SNX19: variants seen among roughly 807,000 people sequenced by gnomAD.
The protein encoded by SNX19 is sorting nexin-19.
Under a neutral mutation model 85.2 loss-of-function variants are expected in SNX19, and 60 were observed. The ratio of observed to expected loss-of-function variants is 0.70; its 90% confidence interval spans 0.57 to 0.87. SNX19 has a LOEUF of 0.87. Ranked by LOEUF, SNX19 falls within the 40% of genes least tolerant of loss-of-function variation. The pLI is 0.00. For synonymous variants in SNX19, 520 were observed against 470.0 expected (o/e 1.11, Z -1.38); for missense variants, 1,201 against 1,217.8 (o/e 0.99, Z 0.21).
intron 8 of SNX19, among the ~76,000 whole-genome samples, chr11:130,902,488 T>C (rs557775964): frequency 1.8e-4 from 28 of 152,346 alleles, no homozygotes; most frequent in African/African-American, 5.8e-4. Flanking sequence ...AGGTCAGCAT[T>C]TGGCTTCCTC....
At chr11:130,914,235 G>C (rs373486201) in intron 1 of SNX19, 31 bp downstream of exon 1, 1 of 1,506,536 alleles carries the variant, frequency 6.6e-7, no homozygotes. Context: ...CTCCTAGCCC[G>C]GGTGAGCACC....
At chr11:130,912,622 T>C (rs1176244677) in intron 1 of SNX19, among the ~76,000 whole-genome samples, 3 of 152,188 alleles carry the variant, frequency 2.0e-5, no homozygotes, top group Non-Finnish European at 2.9e-5. Context: ...TGGAAAAAAC[T>C]ACCTCCTCGT....
intron 5 of SNX19, among the ~76,000 whole-genome samples, chr11:130,907,719 T>C (rs1349084268): frequency 6.6e-6 from 1 of 152,170 alleles, no homozygotes; most frequent in East Asian, 1.9e-4. Flanking sequence ...CCCTGGTCAG[T>C]TGGGCCCCAG....
intron 7 of SNX19, among the ~76,000 whole-genome samples, chr11:130,905,502 G>A (rs1305387888): frequency 2.0e-5 from 3 of 152,158 alleles, no homozygotes; most frequent in Non-Finnish European, 2.9e-5. Flanking sequence ...CTGGAAGAGT[G>A]TGTAGAATAA....
In SNX19 at chr11:130,875,477, TAA is replaced by T. The variant is rs1185398273; in HGVS notation, c.*2943_*2944del. On this transcript the variant is annotated 3_prime_UTR_variant, in exon 11 of 11. Transcript: ENST00000265909. Reference sequence around the variant, plus strand: ...TAATAATGTACCGTCTCAAAATAAATAAATAATGTACTGTACACTTAAGAGGG... The same window carrying T: ...TAATAATGTACCGTCTCAAAATAAATATAATGTACTGTACACTTAAGAGGG... 6.6e-6 allele frequency: 1 copy of T among 152,196 alleles called. No individual in the cohort carries two copies. Among genetic ancestry groups the T allele is most frequent in the Non-Finnish European group, 1.5e-5 (1 of 68,036 alleles). 9.4% of individuals were successfully genotyped at this position (152,196 alleles called of 1,614,324 possible).
intron 8 of SNX19, among the ~76,000 whole-genome samples, chr11:130,881,512 C>T (rs1943671584): frequency 6.6e-6 from 1 of 152,194 alleles, no homozygotes; most frequent in African/African-American, 2.4e-5. Context: ...GCATTATAAC[C>T]TTCTTGGTAA....
chr11:130,885,645 C>T (rs1012285576), intron 8 of SNX19, among the ~76,000 whole-genome samples: 2 of 152,166 alleles, frequency 1.3e-5, no homozygotes, highest in Admixed American at 1.3e-4. Flanking sequence ...AGATCCACAA[C>T]AATATTCTAA....
At chr11:130,881,360 T>C (rs1200725619) in intron 8 of SNX19, among the ~76,000 whole-genome samples, 1 of 152,184 alleles carries the variant, frequency 6.6e-6, no homozygotes, top group Non-Finnish European at 1.5e-5. Context: ...GCGTTCACTA[T>C]GTGCCATCTA....
chr11:130,897,027 G>A (rs1395795615), intron 8 of SNX19, among the ~76,000 whole-genome samples: 1 of 152,052 alleles, frequency 6.6e-6, no homozygotes, highest in South Asian at 2.1e-4. Flanking sequence ...CTTAGGGGAG[G>A]TGGACGTTGC....
rs1223702382 is a variant in SNX19, at chr11:130,915,294, C to A, written c.646G>T (p.Val216Leu). 1.8e-5 allele frequency: 29 copies of A among 1,614,120 alleles called. No individual in the cohort carries two copies. The highest frequency in any genetic ancestry group is 1.7e-4 in the Admixed American group (10 of 60,018). The stretch of plus-strand genomic sequence containing the variant: ...ACCAGCCCTTGAAGCAACAAATTCA[C>A]AACGCCACGCGTATAGGTGACTTCA... ...SAEVTYTRGV[V>L]NLLLQGLVPK... is the part of the protein sequence containing the mutation. Residue 216 changes from valine to leucine, a missense_variant, in exon 1 of 11, where the codon GTG becomes TTG. By Grantham distance (32) the Val-to-Leu change is conservative. Coordinates refer to ENST00000265909, the MANE Select transcript of SNX19 (RefSeq NM_014758.3).
intron 8 of SNX19, 112 bp downstream of exon 8, chr11:130,903,143 C>A (rs1945373897): frequency 2.7e-6 from 4 of 1,474,158 alleles, no homozygotes; most frequent in Middle Eastern, 3.6e-4. Flanking sequence ...ACCCCTGTAA[C>A]AGAGAATCTA....
In SNX19 at chr11:130,874,945, A is replaced by G. The variant is rs1359813299; in HGVS notation, c.*3477T>C. On this transcript the variant is annotated 3_prime_UTR_variant, in exon 11 of 11. Transcript: ENST00000265909. ...TGTAAAATGGTCTAGTCACTATGGA[A>G]AACAGTATGAAGGTCTTCAAAGAAT... Among the ~76,000 whole-genome samples the G allele has an allele frequency of 6.6e-6, 1 of 152,242 alleles. No homozygotes were observed. The highest frequency in any genetic ancestry group is 6.5e-5 in the Admixed American group (1 of 15,292).
chr11:130,870,598 G>A lies in SNX19; in HGVS notation c.*7824C>T, dbSNP rs545001894. Among the ~76,000 whole-genome samples the A allele has an allele frequency of 6.6e-5, 10 of 152,298 alleles. No individual in the cohort carries two copies. In the East Asian group the frequency reaches 9.7e-4, roughly 15 times the overall value. On this transcript the variant is annotated 3_prime_UTR_variant, in exon 11 of 11. Coordinates refer to ENST00000265909, the MANE Select transcript of SNX19 (RefSeq NM_014758.3). ...AGTGGTTAATCTCAAAGAGGTTTAC[G>A]GTGGTTTCTCCACATATCTTCACCC...
In SNX19 at chr11:130,872,581, T is replaced by C. The variant is rs1943070796; in HGVS notation, c.*5841A>G. On this transcript the variant is annotated 3_prime_UTR_variant, in exon 11 of 11. Transcript: ENST00000265909. ...CCCTCACCGCCTCTCTCATCCTTTA[T>C]ACCATAAAAGAGTGATGGCAATATG... 6.6e-6 allele frequency among the ~76,000 whole-genome samples: 1 copy of C among 152,176 alleles called. No individual in the cohort carries two copies. Among genetic ancestry groups the C allele is most frequent in the Admixed American group, 6.5e-5 (1 of 15,282 alleles).
chr11:130,890,550 A>T (rs1944421626), intron 8 of SNX19, among the ~76,000 whole-genome samples: 1 of 152,060 alleles, frequency 6.6e-6, no homozygotes, highest in African/African-American at 2.4e-5. Context: ...CTCCCTTTAA[A>T]CTCTTCACTG....
rs748174880 is a variant in SNX19, at chr11:130,914,375, C to A, written c.1565G>T (p.Ser522Ile). Reference protein sequence around the residue: ...SSATFSFEPLSSPDGPVIIQN... With the variant: ...SSATFSFEPLISPDGPVIIQN... ...GATGATAACTGGACCATCGGGACTG[C>A]TTAGGGGCTCAAAGCTGAAGGTGGC... Residue 522 changes from serine (S) to isoleucine (I), a missense_variant, in exon 1 of 11, where the codon AGC (serine) becomes ATC (isoleucine). Coordinates refer to ENST00000265909, the MANE Select transcript of SNX19 (RefSeq NM_014758.3). 8 of 1,613,754 alleles carry A rather than the reference C, an allele frequency of 5.0e-6. No individual in the cohort carries two copies. Among genetic ancestry groups the A allele is most frequent in the Non-Finnish European group, 6.8e-6 (8 of 1,179,864 alleles).
Position 130,914,400 on chromosome 11 carries a change from C to T in SNX19, c.1540G>A (p.Ala514Thr). ...SSSPPGPLSS[A>T]TFSFEPLSSP... ...CTTAGGGGCTCAAAGCTGAAGGTGG[C>T]TGAGCTGAGAGGACCAGGTGGAGAG... Residue 514 changes from alanine (A) to threonine (T), a missense_variant, in exon 1 of 11, where the codon GCC becomes ACC. Physicochemically the swap from Ala to Thr is moderately conservative, Grantham distance 58 (BLOSUM62 0). Coordinates refer to ENST00000265909, the MANE Select transcript of SNX19 (RefSeq NM_014758.3). 1.2e-6 allele frequency: 2 copies of T among 1,613,902 alleles called. No individual in the cohort carries two copies. Among genetic ancestry groups the T allele is most frequent in the Non-Finnish European group, 1.7e-6 (2 of 1,179,870 alleles).
rs370842745 is a variant in SNX19, at chr11:130,898,264, A to G, written c.2573+4991T>C. 2.0e-5 allele frequency among the ~76,000 whole-genome samples: 3 copies of G among 152,088 alleles called. No individual in the cohort carries two copies. In the South Asian group the frequency reaches 6.2e-4, roughly 32 times the overall value. On this transcript the variant is annotated intron_variant, in intron 8 of 10. Coordinates refer to ENST00000265909, the MANE Select transcript of SNX19 (RefSeq NM_014758.3). ...TTTTAAAGTTGCAAGATGGGTATAC[A>G]AAGTTGGAAGCAGAGGAATAAACTT... is the stretch of plus-strand genomic sequence containing the variant.
At position 130,873,726 on chromosome 11, in the gene SNX19, T is replaced by C. The variant is rs1943113774; in HGVS notation, c.*4696A>G. On this transcript the variant is annotated 3_prime_UTR_variant, in exon 11 of 11. Transcript: ENST00000265909. The stretch of plus-strand genomic sequence containing the variant: ...AATAAGTGAAGATATGTAAAGACTT[T>C]AAGTAATGCTCTCAGAAGATGTTAA... 6.6e-6 allele frequency among the ~76,000 whole-genome samples: 1 copy of C among 152,192 alleles called. No homozygotes were observed.
Sources: allele counts gnomAD v4.1 joint callset (sites outside exome capture counted in the v4.1 genomes callset), GRCh38; gene constraint gnomAD v4.1.1; transcripts MANE v1.5; gene names NCBI Gene and HGNC (gene_info 2026-07-23, HGNC 2026-07-21).